The following RSRC1 variants were observed in gnomAD, a reference collection of about 807,000 sequenced individuals.
RSRC1 encodes the protein arginine and serine rich coiled-coil 1, also known as serine/Arginine-related protein 53.
RSRC1 carries 39 observed loss-of-function variants against 49.1 expected under a neutral mutation model. The observed-to-expected ratio is 0.79, with a 90% CI of 0.61 to 1.04. RSRC1 has a LOEUF of 1.04. Among genes scored for constraint, RSRC1 ranks in the 50% least tolerant of loss-of-function variants. RSRC1 has a pLI of 0.00. For missense variants in RSRC1, 388 were observed against 402.4 expected, an observed-to-expected ratio of 0.96 and a Z score of 0.31; for synonymous variants, 143 against 130.8, an observed-to-expected ratio of 1.09 and a Z score of -0.63.
At chr3:158,205,272 A>G (rs1721283262) in intron 4 of RSRC1, among the ~76,000 whole-genome samples, 1 of 152,158 alleles carries the variant, frequency 6.6e-6, no homozygotes, top group Admixed American at 6.6e-5. Context: ...GCTGAGGTGC[A>G]CACAGATTCT....
At chr3:158,134,095 T>C (rs914337309) in intron 3 of RSRC1, among the ~76,000 whole-genome samples, 4 of 82,288 alleles carry the variant, frequency 4.9e-5, no homozygotes, top group African/African-American at 4.8e-5. Context: ...TTCAAGGAAA[T>C]GAGAATAATA....
chr3:158,393,668 A>T (rs1432030188), intron 6 of RSRC1, among the ~76,000 whole-genome samples: 1 of 152,098 alleles, frequency 6.6e-6, no homozygotes, highest in Non-Finnish European at 1.5e-5. Flanking sequence ...TGAATCAGTA[A>T]TAAAAAGGCT....
At chr3:158,495,562 A>G (rs756454139) in intron 7 of RSRC1, among the ~76,000 whole-genome samples, 84 of 152,306 alleles carry the variant, frequency 5.5e-4, no homozygotes, top group Non-Finnish European at 7.9e-4. Context: ...CTGGGATTAC[A>G]GGCATGAGCA....
intron 4 of RSRC1, 84 bp downstream of exon 4, chr3:158,203,329 T>C: frequency 7.2e-7 from 1 of 1,396,156 alleles, no homozygotes; most frequent in Non-Finnish European, 9.6e-7. Flanking sequence ...CTGAGGTTTT[T>C]CTTGTGGCTT....
At chr3:158,473,653 A>C (rs958038059) in intron 7 of RSRC1, among the ~76,000 whole-genome samples, 2 of 152,118 alleles carry the variant, frequency 1.3e-5, no homozygotes, top group South Asian at 2.1e-4. Flanking sequence ...CCTAGAACTT[A>C]AAGTATAATT....
intron 5 of RSRC1, among the ~76,000 whole-genome samples, chr3:158,329,486 G>A (rs578012255): frequency 1.1e-4 from 16 of 152,290 alleles, no homozygotes; most frequent in South Asian, 4.1e-4. Flanking sequence ...GTCTGTTGGC[G>A]TTTGCTGGAG....
At chr3:158,221,962 G>T (rs1339160479) in intron 4 of RSRC1, among the ~76,000 whole-genome samples, 1 of 151,468 alleles carries the variant, frequency 6.6e-6, no homozygotes, top group African/African-American at 2.4e-5. Flanking sequence ...ATATGCTTGT[G>T]TACAAATGTT....
intron 6 of RSRC1, among the ~76,000 whole-genome samples, chr3:158,363,223 A>G (rs1024400774): frequency 1.3e-5 from 2 of 152,054 alleles, no homozygotes; most frequent in African/African-American, 4.8e-5. Flanking sequence ...TGATAGAATC[A>G]GGACTTAACT....
At chr3:158,206,638 G>T (rs146892472) in intron 4 of RSRC1, among the ~76,000 whole-genome samples, 164 of 152,280 alleles carry the variant, frequency 1.1e-3, no homozygotes, top group African/African-American at 3.7e-3. Flanking sequence ...CATCGGCCAG[G>T]CATGGTGGCT....
intron 6 of RSRC1, among the ~76,000 whole-genome samples, chr3:158,395,363 G>T (rs1025929985): frequency 1.3e-5 from 2 of 152,046 alleles, no homozygotes; most frequent in African/African-American, 2.4e-5. Context: ...CTTCTGCATA[G>T]CAAAAGAAAC....
intron 3 of RSRC1, among the ~76,000 whole-genome samples, chr3:158,148,717 G>A (rs1163673811): frequency 1.3e-5 from 2 of 151,824 alleles, no homozygotes; most frequent in African/African-American, 2.4e-5. Context: ...AAAAAAAGAC[G>A]GTATTTCATT....
rs567312951 is a variant in RSRC1, at chr3:158,217,817, T to G, written c.494+14572T>G. On this transcript the variant is annotated intron_variant, in intron 4 of 9. Coordinates refer to ENST00000611884, the MANE Select transcript of RSRC1 (RefSeq NM_001271838.2). The stretch of plus-strand genomic sequence containing the variant: ...ACATAAATATCATTTTTAGTAGTAA[T>G]AAAAAGCCAAGCATAAGACATGTGT... Among the ~76,000 whole-genome samples, 4 of 150,846 alleles carry G rather than the reference T, an allele frequency of 2.7e-5. No homozygotes were observed. In the South Asian group the frequency reaches 8.4e-4, roughly 31 times the overall value.
intron 6 of RSRC1, among the ~76,000 whole-genome samples, chr3:158,402,702 G>A (rs9882398): frequency 0.017 from 2,605 of 151,792 alleles, 67 homozygotes; most frequent in African/African-American, 0.06. Context: ...TTTTGTAACA[G>A]TTTCTCTTTA....
At chr3:158,510,735 G>A (rs1016128771) in intron 7 of RSRC1, among the ~76,000 whole-genome samples, 1 of 152,060 alleles carries the variant, frequency 6.6e-6, no homozygotes, top group African/African-American at 2.4e-5. Context: ...CTATCAGATA[G>A]TAGGTTTTAT....
chr3:158,186,959 T>G (rs1719966832), intron 3 of RSRC1, among the ~76,000 whole-genome samples: 1 of 151,990 alleles, frequency 6.6e-6, no homozygotes, highest in African/African-American at 2.4e-5. Context: ...ATTTTAGAAA[T>G]GAGTCTGTGT....
chr3:158,295,949 A>T (rs1190009731), intron 4 of RSRC1, among the ~76,000 whole-genome samples: 2 of 152,096 alleles, frequency 1.3e-5, no homozygotes, highest in Non-Finnish European at 2.9e-5. Context: ...TTGTGTGAAC[A>T]TTAATATCTT....
chr3:158,442,053 A>G (rs1046200833), intron 6 of RSRC1, among the ~76,000 whole-genome samples: 1 of 152,178 alleles, frequency 6.6e-6, no homozygotes, highest in Non-Finnish European at 1.5e-5. Flanking sequence ...CTAAAAAACA[A>G]TGTACATGAC....
chr3:158,397,546 A>G (rs1417678387), intron 6 of RSRC1, among the ~76,000 whole-genome samples: 1 of 152,206 alleles, frequency 6.6e-6, no homozygotes, highest in Non-Finnish European at 1.5e-5. Context: ...AACACTCTAG[A>G]GAATTATTAC....
chr3:158,393,341 AACACAC>A (rs199845637), intron 6 of RSRC1, among the ~76,000 whole-genome samples: 7 of 151,606 alleles, frequency 4.6e-5, no homozygotes, highest in Non-Finnish European at 5.9e-5. Flanking sequence ...CTGAAATTGA[AACACAC>A]ACACACACAA....
Sources: gnomAD v4.1 joint callset for allele counts (sites outside exome capture counted in the v4.1 genomes callset) on GRCh38, gnomAD v4.1.1 for gene constraint, MANE v1.5 for transcripts, NCBI Gene and HGNC (gene_info 2026-07-23, HGNC 2026-07-21) for gene names.